Variants in AFG1L observed in about 807,000 individuals in gnomAD.
AFG1L encodes the protein AFG1 like ATPase.
A neutral mutation model predicts 62.2 loss-of-function variants in AFG1L; 53 were observed. The ratio of observed to expected loss-of-function variants is 0.85; its 90% CI spans 0.68 to 1.07. The LOEUF (loss-of-function observed/expected upper bound fraction) is 1.07. AFG1L is among the 50% of genes least tolerant of loss of function. AFG1L has a pLI of 0.00. For synonymous variants in AFG1L, 228 were observed against 210.3 expected, an observed-to-expected ratio of 1.08 and a Z score of -0.73; for missense variants, 555 against 590.5, an observed-to-expected ratio of 0.94 and a Z score of 0.62.
chr6:108,416,905 C>T (rs2114676224), intron 7 of AFG1L, among the ~76,000 whole-genome samples: 1 of 151,776 alleles, frequency 6.6e-6, no homozygotes, highest in Admixed American at 6.6e-5. Flanking sequence ...CACATGTACC[C>T]TAGAACTTAA....
intron 11 of AFG1L, among the ~76,000 whole-genome samples, chr6:108,514,416 G>A (rs981753340): frequency 1.3e-5 from 2 of 152,104 alleles, no homozygotes; most frequent in Non-Finnish European, 2.9e-5. Context: ...AAGTGAAGGA[G>A]AAATAAAATC....
chr6:108,338,052 G>A (rs544340843), intron 2 of AFG1L, among the ~76,000 whole-genome samples: 1 of 152,132 alleles, frequency 6.6e-6, no homozygotes, highest in South Asian at 2.1e-4. Context: ...TGGGCATGGT[G>A]GTGGGCACCT....
At chr6:108,431,582 CACCTTTCTTTGTTGCT>C (rs1562157193) in intron 7 of AFG1L, among the ~76,000 whole-genome samples, 1 of 145,738 alleles carries the variant, frequency 6.9e-6, no homozygotes, top group East Asian at 2.0e-4. Context: ...TCAGATGTTT[CACCTTTCTTTGTTGCT>C]TTTTTTTTTT....
At chr6:108,355,622 A>G (rs1483019756) in intron 3 of AFG1L, 32 bp from the exon 4 acceptor site, 1 of 1,132,746 alleles carries the variant, frequency 8.8e-7, no homozygotes, top group Non-Finnish European at 1.3e-6. Context: ...ATACTATTTA[A>G]TAGTATTCTT....
At chr6:108,449,802 C>G (rs766270409) in intron 8 of AFG1L, among the ~76,000 whole-genome samples, 35 of 152,084 alleles carry the variant, frequency 2.3e-4, no homozygotes, top group Non-Finnish European at 5.0e-4. Context: ...CTTCCTGTGT[C>G]CATGTGTTCT....
At chr6:108,337,286 T>C (rs948734077) in intron 2 of AFG1L, among the ~76,000 whole-genome samples, 1 of 152,250 alleles carries the variant, frequency 6.6e-6, no homozygotes, top group Non-Finnish European at 1.5e-5. Flanking sequence ...CCTTTGAGTT[T>C]GCTGCAGTGC....
intron 2 of AFG1L, among the ~76,000 whole-genome samples, chr6:108,340,711 C>G (rs894308389): frequency 2.6e-5 from 4 of 151,862 alleles, no homozygotes; most frequent in Admixed American, 2.0e-4. Flanking sequence ...GGCCCTGGTT[C>G]CTGAGAAGGT....
intron 10 of AFG1L, among the ~76,000 whole-genome samples, chr6:108,494,439 C>A (rs548003106): frequency 1.3e-5 from 2 of 150,334 alleles, no homozygotes; most frequent in African/African-American, 2.5e-5. Flanking sequence ...ATGCCCCCCC[C>A]ACCCCGCAAA....
At chr6:108,396,415 A>G (rs1781311840) in intron 6 of AFG1L, among the ~76,000 whole-genome samples, 1 of 152,188 alleles carries the variant, frequency 6.6e-6, no homozygotes. Flanking sequence ...CATTATATTT[A>G]CAGCTTATTA....
At chr6:108,340,634 G>A (rs1778647368) in intron 2 of AFG1L, among the ~76,000 whole-genome samples, 1 of 152,122 alleles carries the variant, frequency 6.6e-6, no homozygotes, top group Admixed American at 6.6e-5. Flanking sequence ...CAAAGTGCTG[G>A]GATTACAGGT....
At chr6:108,498,693 G>A (rs766176977) in intron 10 of AFG1L, among the ~76,000 whole-genome samples, 5 of 151,970 alleles carry the variant, frequency 3.3e-5, no homozygotes, top group African/African-American at 4.8e-5. Flanking sequence ...GAAATATATC[G>A]GCCAGGCACG....
chr6:108,466,168 A>G (rs1772657362), intron 8 of AFG1L, among the ~76,000 whole-genome samples: 1 of 152,204 alleles, frequency 6.6e-6, no homozygotes, highest in South Asian at 2.1e-4. Flanking sequence ...ATTGGCAAGG[A>G]TGTGGAGAAA....
intron 1 of AFG1L, chr6:108,319,906 C>T (rs1286037284): frequency 1.0e-5 from 2 of 196,162 alleles, no homozygotes; most frequent in Non-Finnish European, 2.2e-5. Context: ...AAATATAATC[C>T]TCTGAAGTGA....
intron 6 of AFG1L, among the ~76,000 whole-genome samples, chr6:108,369,884 A>G (rs894296463): frequency 3.3e-5 from 5 of 152,106 alleles, no homozygotes; most frequent in Admixed American, 6.6e-5. Flanking sequence ...TGCTAGGATT[A>G]CAGGCGTGAG....
At chr6:108,344,296 A>G (rs1778786370) in intron 2 of AFG1L, among the ~76,000 whole-genome samples, 1 of 152,130 alleles carries the variant, frequency 6.6e-6, no homozygotes, top group African/African-American at 2.4e-5. Context: ...TATTTTCAGA[A>G]GAGACAGGGT....
In AFG1L at chr6:108,449,829, C is replaced by T. The variant is rs549184657; in HGVS notation, c.890+2533C>T. Among the ~76,000 whole-genome samples the T allele has an allele frequency of 5.3e-5, 8 of 152,256 alleles. No individual in the cohort carries two copies. In the East Asian group the frequency reaches 1.4e-3, roughly 26 times the overall value. On this transcript the variant is annotated intron_variant, in intron 8 of 12. Transcript: ENST00000368977. ...ATGTGTTCTCATTGTTCAATTCCCA[C>T]CTATGAGTGAGAATATGCAGTGTTT...
intron 7 of AFG1L, among the ~76,000 whole-genome samples, chr6:108,434,300 G>A (rs1342414185): frequency 2.0e-5 from 3 of 152,078 alleles, no homozygotes; most frequent in Non-Finnish European, 4.4e-5. Context: ...ATCTAGGCTG[G>A]ACATCTGCAC....
At chr6:108,507,427 T>C (rs1284884954) in intron 10 of AFG1L, among the ~76,000 whole-genome samples, 1 of 152,196 alleles carries the variant, frequency 6.6e-6, no homozygotes, top group African/African-American at 2.4e-5. Context: ...ATGTAATTGT[T>C]TTAGGGATAT....
At chr6:108,455,606 G>A (rs1242504976) in intron 8 of AFG1L, among the ~76,000 whole-genome samples, 1 of 151,872 alleles carries the variant, frequency 6.6e-6, no homozygotes, top group East Asian at 1.9e-4. Flanking sequence ...AAACCTTTCT[G>A]CTCTCATATA....
Sources: allele counts gnomAD v4.1 joint callset (sites outside exome capture counted in the v4.1 genomes callset), GRCh38; gene constraint gnomAD v4.1.1; transcripts MANE v1.5; gene names NCBI Gene and HGNC (gene_info 2026-07-23, HGNC 2026-07-21).